TULP4: variants seen among roughly 807,000 people sequenced by gnomAD.
TULP4 encodes TUB like protein 4.
In TULP4, 16 loss-of-function variants were observed where a neutral mutation model predicts 129.0. The observed-to-expected ratio is 0.12, with a 90% CI of 0.08 to 0.19. TULP4 has a LOEUF of 0.19. Among genes scored for constraint, TULP4 ranks in the 10% least tolerant of loss-of-function variants. The probability of loss-of-function intolerance (pLI) is 1.00; values close to 1 mark genes in which losing one functional copy is unlikely to be tolerated. For missense variants in TULP4, 1,842 were observed against 2,059.1 expected (o/e 0.89, Z 2.04); for synonymous variants, 998 against 854.0 (o/e 1.17, Z -2.94).
At chr6:158,420,648 A>T (rs1183640734) in intron 2 of TULP4, among the ~76,000 whole-genome samples, 1 of 86,290 alleles carries the variant, frequency 1.2e-5, no homozygotes, top group Non-Finnish European at 2.9e-5. Context: ...CACCTGGCTA[A>T]TTTTTGTTTT....
At position 158,493,569 on chromosome 6, in the gene TULP4, C is replaced by G. The variant is rs1780262527; in HGVS notation, c.1632-4C>G. Reference sequence around the variant, plus strand: ...CCTGACCCCTCCTGGCCTTGCCTCCCCAGGATCAGCATTGAGGCCCGCAAG... The same window carrying G: ...CCTGACCCCTCCTGGCCTTGCCTCCGCAGGATCAGCATTGAGGCCCGCAAG... On this transcript the variant is annotated splice_polypyrimidine_tract_variant and splice_region_variant and intron_variant, in intron 9 of 13. Transcript: ENST00000367097. This position sits in a 1 kb window ranked among gnomAD's most constrained non-coding sequence, Gnocchi z 4.4. 2 of 1,502,486 alleles carry G rather than the reference C, an allele frequency of 1.3e-6. No homozygotes were observed. The highest frequency in any genetic ancestry group is 1.8e-6 in the Non-Finnish European group (2 of 1,124,962). The allele number at this position is 1,502,486 out of a possible 1,614,324, so 93.1% of individuals were successfully genotyped here. A position where few individuals can be genotyped will look rare whatever the true frequency, so the allele number is the denominator to read the frequency against.
intron 3 of TULP4, among the ~76,000 whole-genome samples, chr6:158,436,074 G>A (rs1353859645): frequency 1.3e-5 from 2 of 152,058 alleles, no homozygotes; most frequent in African/African-American, 4.8e-5. Context: ...GCGCCACCAT[G>A]CCTGGCTAAT....
intron 1 of TULP4, among the ~76,000 whole-genome samples, chr6:158,284,936 GC>G (rs1239551920): frequency 2.0e-5 from 3 of 152,198 alleles, no homozygotes; most frequent in Non-Finnish European, 4.4e-5. Flanking sequence ...CATGTTTTCT[GC>G]CTCAGATATG....
chr6:158,444,467 C>T, intron 3 of TULP4, among the ~76,000 whole-genome samples: 1 of 151,870 alleles, frequency 6.6e-6, no homozygotes, highest in East Asian at 1.9e-4. Context: ...GAAAAAGTCA[C>T]CTCCTTCAGG....
chr6:158,344,074 T>C (rs1780247340), intron 1 of TULP4, among the ~76,000 whole-genome samples: 1 of 152,200 alleles, frequency 6.6e-6, no homozygotes, highest in African/African-American at 2.4e-5. Flanking sequence ...CCCCCACCCT[T>C]AAGAAGTTTC....
At chr6:158,241,562 C>T (rs1260388581) in intron 1 of TULP4, among the ~76,000 whole-genome samples, 7 of 152,002 alleles carry the variant, frequency 4.6e-5, no homozygotes, top group Non-Finnish European at 7.4e-5. Context: ...GCCAATACAG[C>T]GAAACCCCGT....
chr6:158,270,237 G>T (rs1173397124), intron 1 of TULP4, among the ~76,000 whole-genome samples: 4 of 152,068 alleles, frequency 2.6e-5, no homozygotes, highest in South Asian at 4.1e-4. Flanking sequence ...TCAGTAAATT[G>T]TCCTTACTTG....
intron 1 of TULP4, among the ~76,000 whole-genome samples, chr6:158,265,401 G>A (rs965928498): frequency 3.9e-5 from 6 of 152,130 alleles, no homozygotes; most frequent in African/African-American, 1.4e-4. Flanking sequence ...GAGGAAGTTG[G>A]CCAGGTGGGG....
chr6:158,423,135 G>GGGA (rs1778391423), intron 2 of TULP4, among the ~76,000 whole-genome samples: 3 of 124,340 alleles, frequency 2.4e-5, no homozygotes, highest in African/African-American at 6.1e-5. Flanking sequence ...GGGGGGGGGG[G>GGGA]AAAGAAACCT....
chr6:158,406,599 AG>A (rs1241224656), intron 1 of TULP4, among the ~76,000 whole-genome samples: 1 of 152,204 alleles, frequency 6.6e-6, no homozygotes, highest in Non-Finnish European at 1.5e-5. Context: ...AAAAGATGAA[AG>A]TATTAACTGT....
rs968865400 is a variant in TULP4, at chr6:158,451,997, T to G, written c.725-137T>G. On this transcript the variant is annotated intron_variant, in intron 4 of 13. Coordinates refer to ENST00000367097, the MANE Select transcript of TULP4 (RefSeq NM_020245.5). ...TCCTGAATGATATAGAATGTTTCAT[T>G]CAGGTAGCATCCCAATCCAGAGTAG... The G allele has an allele frequency of 8.4e-6, 11 of 1,307,846 alleles. No individual in the cohort carries two copies. The African/African-American group carries it at 1.5e-4, about 18-fold the overall frequency. 81.0% of individuals were successfully genotyped at this position (1,307,846 alleles called of 1,614,324 possible).
chr6:158,304,197 T>C (rs935735758), intron 1 of TULP4, among the ~76,000 whole-genome samples: 2 of 152,178 alleles, frequency 1.3e-5, no homozygotes, highest in Non-Finnish European at 2.9e-5. Context: ...AGGTTGAACT[T>C]TCCAAGCAAG....
At chr6:158,436,409 A>G (rs1033964893) in intron 3 of TULP4, among the ~76,000 whole-genome samples, 2 of 152,232 alleles carry the variant, frequency 1.3e-5, no homozygotes, top group Admixed American at 1.3e-4. Context: ...GGTTCTCCTG[A>G]AATACAGGTA....
chr6:158,335,291 A>T (rs1055407913), intron 1 of TULP4, among the ~76,000 whole-genome samples: 1 of 151,874 alleles, frequency 6.6e-6, no homozygotes, highest in African/African-American at 2.4e-5. Context: ...AAAAAAAAAA[A>T]AATTTTTGTT....
chr6:158,240,223 C>T (rs1286651842), intron 1 of TULP4, among the ~76,000 whole-genome samples: 4 of 73,076 alleles, frequency 5.5e-5, no homozygotes, highest in Non-Finnish European at 1.2e-4. Flanking sequence ...GGGGGCTGAC[C>T]CCCCCACCTC....
At chr6:158,295,484 AAAC>A (rs568126583) in intron 1 of TULP4, among the ~76,000 whole-genome samples, 386 of 152,276 alleles carry the variant, frequency 2.5e-3, no homozygotes, top group African/African-American at 8.8e-3. Context: ...ATTAAAAAAA[AAAC>A]AAAACTTACT....
At chr6:158,431,273 A>G (rs564127536) in intron 3 of TULP4, among the ~76,000 whole-genome samples, 6 of 152,226 alleles carry the variant, frequency 3.9e-5, no homozygotes, top group East Asian at 1.9e-4. Flanking sequence ...AGGACTGTGT[A>G]TTATTTCCTG....
rs1225827552 is a variant in TULP4, at chr6:158,350,243, C to T, written c.252+35975C>T. On this transcript the variant is annotated intron_variant, in intron 1 of 13. Transcript: ENST00000367097. ...GCAGAGGTGCTCTTCACTTCCCAGACGGGGCGGCCGGGCAGAGGGGCTCCT... is the reference window on the plus strand; with the variant it reads ...GCAGAGGTGCTCTTCACTTCCCAGATGGGGCGGCCGGGCAGAGGGGCTCCT... 1.0e-4 allele frequency among the ~76,000 whole-genome samples: 13 copies of T among 127,048 alleles called. 1 individual carries two copies. In the South Asian group the frequency reaches 1.3e-3, roughly 13 times the overall value. The allele number at this position is 127,048 out of a possible 152,430, so 83.3% of individuals were successfully genotyped here.
intron 1 of TULP4, among the ~76,000 whole-genome samples, chr6:158,389,028 A>G (rs918712722): frequency 6.6e-6 from 1 of 152,214 alleles, no homozygotes; most frequent in Non-Finnish European, 1.5e-5. Flanking sequence ...GTCCCAACTC[A>G]ATGTGATGTG....
Sources: gnomAD v4.1 joint callset for allele counts (sites outside exome capture counted in the v4.1 genomes callset) on GRCh38, gnomAD v4.1.1 for gene constraint, Gnocchi (gnomAD v3.1) non-coding constraint, MANE v1.5 for transcripts, NCBI Gene and HGNC (gene_info 2026-07-23, HGNC 2026-07-21) for gene names.